Variants in DOCK1 observed in about 807,000 individuals in gnomAD.
DOCK1 encodes the protein dedicator of cytokinesis protein 1.
DOCK1 carries 138 observed loss-of-function variants against 262.7 expected under a neutral mutation model. That is an observed-to-expected ratio of 0.53 (90% CI 0.46 to 0.61). DOCK1 has a LOEUF of 0.61. Among genes scored for constraint, DOCK1 ranks in the 20% least tolerant of loss-of-function variants. The pLI, the probability that DOCK1 is intolerant of heterozygous loss-of-function variation, is 0.00. For missense variants in DOCK1, 1,908 were observed against 2,370.7 expected, an observed-to-expected ratio of 0.80 and a Z score of 4.05; for synonymous variants, 866 against 867.4, an observed-to-expected ratio of 1.00 and a Z score of 0.03.
At chr10:127,184,393 C>A (rs2056029270) in intron 27 of DOCK1, among the ~76,000 whole-genome samples, 1 of 148,246 alleles carries the variant, frequency 6.7e-6, no homozygotes, top group Non-Finnish European at 1.5e-5. Context: ...GCTTCTCCTA[C>A]TGATTTCTTC....
chr10:127,203,659 T>G (rs2134254188), intron 27 of DOCK1, among the ~76,000 whole-genome samples: 1 of 105,214 alleles, frequency 9.5e-6, no homozygotes, highest in Non-Finnish European at 2.0e-5. Flanking sequence ...TTTTTTTTTT[T>G]TTCATATTAT....
intron 1 of DOCK1, among the ~76,000 whole-genome samples, chr10:126,970,017 G>A (rs1230238868): frequency 6.6e-6 from 1 of 152,086 alleles, no homozygotes; most frequent in African/African-American, 2.4e-5. Context: ...TTGAGAGTGG[G>A]CTAGTTGAAT....
intron 23 of DOCK1, among the ~76,000 whole-genome samples, chr10:127,096,286 C>T (rs1018961552): frequency 7.2e-5 from 11 of 152,076 alleles, no homozygotes; most frequent in African/African-American, 2.2e-4. Context: ...TGATCAAGTC[C>T]GCAGAGTGGG....
intron 46 of DOCK1, among the ~76,000 whole-genome samples, chr10:127,420,294 A>G (rs1202839010): frequency 1.3e-5 from 2 of 152,120 alleles, no homozygotes; most frequent in East Asian, 1.9e-4. Flanking sequence ...GAGGGCCAGC[A>G]TCTTGAAAGG....
Position 127,075,520 on chromosome 10 carries a change from G to A in DOCK1, c.2445+13744G>A, listed in dbSNP as rs563473602. ...GCTATAAAGAACTACCTGAGACTGG[G>A]TAATTTATAAAGAAAAGAGGTTTAC... On this transcript the variant is annotated intron_variant, in intron 23 of 51. Coordinates refer to ENST00000623213, the MANE Select transcript of DOCK1 (RefSeq NM_001290223.2). 4.7e-4 allele frequency among the ~76,000 whole-genome samples: 71 copies of A among 152,244 alleles called. 1 individual carries two copies. The highest frequency in any genetic ancestry group is 1.4e-3 in the Admixed American group (21 of 15,282).
intron 27 of DOCK1, among the ~76,000 whole-genome samples, chr10:127,129,019 T>C (rs1244245297): frequency 1.3e-5 from 2 of 152,192 alleles, no homozygotes; most frequent in African/African-American, 4.8e-5. Context: ...GTGACCGTTG[T>C]TCTTGTTGCA....
chr10:127,033,774 A>T (rs1564749397), intron 18 of DOCK1, among the ~76,000 whole-genome samples: 1 of 152,086 alleles, frequency 6.6e-6, no homozygotes, highest in African/African-American at 2.4e-5. Flanking sequence ...GCGTGCACTG[A>T]GTGTGCTGCA....
At chr10:127,408,103 A>G (rs533465062) in intron 40 of DOCK1, among the ~76,000 whole-genome samples, 2 of 152,196 alleles carry the variant, frequency 1.3e-5, no homozygotes, top group Admixed American at 6.5e-5. Context: ...CCTTACAGGT[A>G]TATTTACAGA....
chr10:127,126,196 G>C (rs189467898), intron 26 of DOCK1, among the ~76,000 whole-genome samples: 2 of 151,796 alleles, frequency 1.3e-5, no homozygotes, highest in Admixed American at 1.3e-4. Flanking sequence ...CCGGGTTCAA[G>C]TGATTCTCCT....
intron 1 of DOCK1, among the ~76,000 whole-genome samples, chr10:126,909,569 C>T (rs1451985547): frequency 6.6e-6 from 1 of 152,114 alleles, no homozygotes; most frequent in Non-Finnish European, 1.5e-5. Context: ...CAAGTGTGCT[C>T]TTCACTTTGG....
At chr10:126,905,873 G>GC (rs1267767089) in intron 1 of DOCK1, among the ~76,000 whole-genome samples, 48 of 151,984 alleles carry the variant, frequency 3.2e-4, no homozygotes, top group Non-Finnish European at 6.3e-4. Context: ...CTGCCGTGGA[G>GC]CCCCCCGGGC....
chr10:127,175,426 G>C lies in DOCK1; in HGVS notation c.2847+47662G>C, dbSNP rs1174409541. The C allele has an allele frequency of 1.2e-6, 2 of 1,612,874 alleles. No homozygotes were observed. The highest frequency in any genetic ancestry group is 1.7e-6 in the Non-Finnish European group (2 of 1,180,050). On this transcript the variant is annotated intron_variant, in intron 27 of 51. Transcript: ENST00000623213. The surrounding 1 kb of genome is among the most constrained non-coding windows in gnomAD (Gnocchi z 6.3). ...CCCAGCCCCGGCGGGGTGTGAGTCT[G>C]CGACGGCTGCTCACTACATTCGGGG...
chr10:126,934,618 G>GT (rs1379264493), intron 1 of DOCK1, among the ~76,000 whole-genome samples: 1,939 of 152,208 alleles, frequency 0.013, 18 homozygotes, highest in Middle Eastern at 0.048. Context: ...CACATTGCAG[G>GT]TTTTTTGTTT....
chr10:127,269,136 C>T (rs745821009), intron 29 of DOCK1, among the ~76,000 whole-genome samples: 9 of 152,154 alleles, frequency 5.9e-5, no homozygotes, highest in Middle Eastern at 3.2e-3. Flanking sequence ...AGTTTCTTCA[C>T]CCGTAAATTA....
At chr10:127,115,449 T>C (rs1459142033) in intron 25 of DOCK1, among the ~76,000 whole-genome samples, 1 of 152,042 alleles carries the variant, frequency 6.6e-6, no homozygotes, top group Non-Finnish European at 1.5e-5. Flanking sequence ...TGGTGTGGAG[T>C]GAGCAGATTT....
intron 21 of DOCK1, among the ~76,000 whole-genome samples, chr10:127,047,128 C>T (rs971149645): frequency 5.3e-5 from 8 of 152,012 alleles, no homozygotes; most frequent in Admixed American, 6.6e-5. Flanking sequence ...AAAAAATGAC[C>T]GTGTGTTGTT....
intron 27 of DOCK1, among the ~76,000 whole-genome samples, chr10:127,199,580 A>G (rs571849303): frequency 1.4e-4 from 21 of 152,342 alleles, no homozygotes; most frequent in Admixed American, 9.8e-4. Flanking sequence ...GAACAAAGGA[A>G]GCCAGACGCC....
chr10:127,277,801 C>T (rs924981019), intron 29 of DOCK1, among the ~76,000 whole-genome samples: 19 of 152,118 alleles, frequency 1.2e-4, no homozygotes, highest in African/African-American at 2.9e-4. Context: ...ACGATTTGAA[C>T]GCTTTTTAGA....
chr10:127,353,771 G>A (rs1208375131), intron 31 of DOCK1, among the ~76,000 whole-genome samples: 1 of 152,224 alleles, frequency 6.6e-6, no homozygotes, highest in Non-Finnish European at 1.5e-5. Flanking sequence ...CATGCCGTGA[G>A]TGACAGACAG....
Sources: allele counts gnomAD v4.1 joint callset (sites outside exome capture counted in the v4.1 genomes callset), GRCh38; gene constraint gnomAD v4.1.1; non-coding constraint Gnocchi (gnomAD v3.1); transcripts MANE v1.5; gene names NCBI Gene and HGNC (gene_info 2026-07-23, HGNC 2026-07-21).